C10orf67: variants seen among roughly 807,000 people sequenced by gnomAD.
The protein encoded by C10orf67 is chromosome 10 open reading frame 67.
A neutral mutation model predicts 35.6 loss-of-function variants in C10orf67; 60 were observed. The ratio of observed to expected loss-of-function variants is 1.68; its 90% CI spans 1.37 to 2.09. The LOEUF (loss-of-function observed/expected upper bound fraction) is 2.09, where lower values mean the gene tolerates loss of function less well. Among genes scored for constraint, C10orf67 ranks in the 30% most tolerant of loss-of-function variants. The pLI is 0.00. For missense variants in C10orf67, 474 were observed against 330.2 expected (o/e 1.44, Z -3.38); for synonymous variants, 167 against 115.8 (o/e 1.44, Z -2.84).
At chr10:23,344,028 G>A (rs899329585) in intron 1 of C10orf67, 1 of 395,192 alleles carries the variant, frequency 2.5e-6, no homozygotes, top group East Asian at 9.6e-5. Flanking sequence ...GCCTCCCGCG[G>A]AGCCGCTCGC....
chr10:23,249,851 G>A (rs1842404229), intron 12 of C10orf67, among the ~76,000 whole-genome samples: 1 of 152,170 alleles, frequency 6.6e-6, no homozygotes, highest in Non-Finnish European at 1.5e-5. Flanking sequence ...AATTATGGCA[G>A]AACACAACTA....
rs537503070 is a variant in C10orf67 at position 23,302,624 on chromosome 10, T to C, written c.702+680A>G. ...TAAAATCCTCTCCAGCTCTGGACCA[T>C]GGTTGGGCCTGGGACATCCGGTGGC... On this transcript the variant is annotated intron_variant, in intron 5 of 15. Transcript: ENST00000636213. 3.3e-5 allele frequency among the ~76,000 whole-genome samples: 5 copies of C among 152,350 alleles called. No homozygotes were observed. In the South Asian group the frequency reaches 1.0e-3, roughly 32 times the overall value.
At chr10:23,301,496 C>T (rs566093055) in intron 5 of C10orf67, among the ~76,000 whole-genome samples, 1 of 152,230 alleles carries the variant, frequency 6.6e-6, no homozygotes, top group Non-Finnish European at 1.5e-5. Context: ...TATTACTCAT[C>T]GCTTTGGAGG....
At chr10:23,288,205 A>G (rs577435823) in intron 7 of C10orf67, among the ~76,000 whole-genome samples, 1 of 152,246 alleles carries the variant, frequency 6.6e-6, no homozygotes, top group African/African-American at 2.4e-5. Flanking sequence ...AATAGCAAAG[A>G]CATGAAACCA....
chr10:23,301,540 T>C (rs887660913), intron 5 of C10orf67, among the ~76,000 whole-genome samples: 1 of 151,970 alleles, frequency 6.6e-6, no homozygotes, highest in African/African-American at 2.4e-5. Flanking sequence ...TACTGGGGGG[T>C]CCTTGCACCC....
chr10:23,239,036 C>CA (rs892393749), intron 13 of C10orf67, among the ~76,000 whole-genome samples: 52 of 149,604 alleles, frequency 3.5e-4, no homozygotes, highest in Non-Finnish European at 3.7e-4. Context: ...CCTCTCGAAG[C>CA]AAAAAAAAAG....
chr10:23,273,893 C>T (rs1362032634), intron 8 of C10orf67, among the ~76,000 whole-genome samples: 4 of 152,188 alleles, frequency 2.6e-5, no homozygotes, highest in African/African-American at 9.7e-5. Context: ...TTGTTTCTCA[C>T]AGGTATTGGG....
At chr10:23,297,143 G>C (rs1417276141) in intron 5 of C10orf67, among the ~76,000 whole-genome samples, 1 of 151,944 alleles carries the variant, frequency 6.6e-6, no homozygotes, top group African/African-American at 2.4e-5. Flanking sequence ...CCATACTAGA[G>C]GTCCCCTTCT....
chr10:23,296,617 G>A (rs1843887886), intron 5 of C10orf67, among the ~76,000 whole-genome samples: 1 of 152,166 alleles, frequency 6.6e-6, no homozygotes, highest in Non-Finnish European at 1.5e-5. Flanking sequence ...GGGTGTACTA[G>A]GGGTCGTGCA....
intron 7 of C10orf67, among the ~76,000 whole-genome samples, chr10:23,286,273 G>A (rs1843523282): frequency 6.7e-6 from 1 of 148,290 alleles, no homozygotes; most frequent in Non-Finnish European, 1.5e-5. Context: ...TGGTACTCCT[G>A]TTTAGTCCCA....
chr10:23,250,428 A>G (rs1842417164), intron 12 of C10orf67, 27 bp downstream of exon 12: 2 of 398,342 alleles, frequency 5.0e-6, no homozygotes, highest in Non-Finnish European at 8.9e-6. Flanking sequence ...GTTTTTAGAA[A>G]TAGAATTTGT....
At chr10:23,221,427 A>C (rs1190819876) in intron 15 of C10orf67, among the ~76,000 whole-genome samples, 1 of 152,198 alleles carries the variant, frequency 6.6e-6, no homozygotes, top group African/African-American at 2.4e-5. Flanking sequence ...TACCTCTTTA[A>C]TAGGTATTTT....
chr10:23,272,787 T>C (rs547674932), intron 8 of C10orf67, among the ~76,000 whole-genome samples: 9 of 152,328 alleles, frequency 5.9e-5, no homozygotes, highest in Admixed American at 4.6e-4. Context: ...CTGGAGAGAA[T>C]TGACAGCTTG....
intron 13 of C10orf67, among the ~76,000 whole-genome samples, chr10:23,226,808 A>T (rs1329639384): frequency 6.6e-6 from 1 of 152,232 alleles, no homozygotes; most frequent in Non-Finnish European, 1.5e-5. Flanking sequence ...AATACTATAA[A>T]CACCTCTATG....
intron 10 of C10orf67, among the ~76,000 whole-genome samples, chr10:23,259,775 A>C (rs569158243): frequency 1.8e-3 from 267 of 152,198 alleles, no homozygotes; most frequent in Non-Finnish European, 3.1e-3. Flanking sequence ...AAGATGAATA[A>C]TTTGTTGGAT....
intron 15 of C10orf67, among the ~76,000 whole-genome samples, chr10:23,209,341 TAGG>T (rs1455146981): frequency 6.6e-6 from 1 of 151,734 alleles, no homozygotes; most frequent in East Asian, 1.9e-4. Flanking sequence ...GTGCTCTGAA[TAGG>T]AGGAGGAGAA....
intron 12 of C10orf67, among the ~76,000 whole-genome samples, chr10:23,243,686 C>T (rs1588610082): frequency 7.1e-6 from 1 of 140,214 alleles, no homozygotes; most frequent in Non-Finnish European, 1.5e-5. Context: ...AAATCTCTGG[C>T]TCAAAAAAAA....
At chr10:23,285,681 T>C (rs1364549894) in intron 7 of C10orf67, among the ~76,000 whole-genome samples, 4 of 152,228 alleles carry the variant, frequency 2.6e-5, no homozygotes, top group Non-Finnish European at 5.9e-5. Flanking sequence ...AAATACTTTA[T>C]TTGTATTCAG....
intron 5 of C10orf67, among the ~76,000 whole-genome samples, chr10:23,300,486 T>A (rs1408607452): frequency 6.6e-6 from 1 of 152,144 alleles, no homozygotes; most frequent in African/African-American, 2.4e-5. Flanking sequence ...GGGCCTAAGG[T>A]GGACTTTTGA....
Sources: gnomAD v4.1 joint callset for allele counts (sites outside exome capture counted in the v4.1 genomes callset) on GRCh38, gnomAD v4.1.1 for gene constraint, MANE v1.5 for transcripts, NCBI Gene and HGNC (gene_info 2026-07-23, HGNC 2026-07-21) for gene names.